DYM: variants seen among roughly 807,000 people sequenced by gnomAD.
The protein encoded by DYM is dyggve-Melchior-Clausen syndrome protein.
DYM carries 78 observed loss-of-function variants against 93.1 expected under a neutral mutation model. That is an observed-to-expected ratio of 0.84 (90% CI 0.70 to 1.01). The LOEUF (loss-of-function observed/expected upper bound fraction) is 1.01. Among genes scored for constraint, DYM ranks in the 50% least tolerant of loss-of-function variants. The pLI, the probability that DYM is intolerant of heterozygous loss-of-function variation, is 0.00. For synonymous variants in DYM, 321 were observed against 319.7 expected, an observed-to-expected ratio of 1.00 and a Z score of -0.04; for missense variants, 789 against 845.0, an observed-to-expected ratio of 0.93 and a Z score of 0.82.
At chr18:49,324,847 T>G (rs1050330763) in intron 8 of DYM, among the ~76,000 whole-genome samples, 2 of 152,222 alleles carry the variant, frequency 1.3e-5, no homozygotes, top group African/African-American at 2.4e-5. Flanking sequence ...ATTTTGTATA[T>G]AATATCTCAC....
chr18:49,335,910 C>T (rs113611998), intron 6 of DYM, among the ~76,000 whole-genome samples: 43 of 152,168 alleles, frequency 2.8e-4, no homozygotes, highest in African/African-American at 8.9e-4. Context: ...ACCTCCCAGG[C>T]TCAAGTGATC....
intron 6 of DYM, among the ~76,000 whole-genome samples, chr18:49,340,227 C>G (rs943388210): frequency 1.3e-5 from 2 of 152,094 alleles, no homozygotes; most frequent in Non-Finnish European, 2.9e-5. Context: ...GCTGGGATTA[C>G]AAGCGTGAGC....
At chr18:49,307,550 C>G (rs1043648155) in intron 8 of DYM, among the ~76,000 whole-genome samples, 1 of 152,076 alleles carries the variant, frequency 6.6e-6, no homozygotes, top group Admixed American at 6.5e-5. Flanking sequence ...TGCATGTGGT[C>G]AGCTAAAATG....
At chr18:49,080,477 T>C (rs1599594923) in intron 17 of DYM, among the ~76,000 whole-genome samples, 1 of 118,940 alleles carries the variant, frequency 8.4e-6, no homozygotes. Context: ...GAGGCGCCCC[T>C]CACCTCCCGG....
chr18:49,208,649 C>G (rs1429827857), intron 14 of DYM: 1 of 152,140 alleles, frequency 6.6e-6, no homozygotes, highest in Non-Finnish European at 1.5e-5. Context: ...TATGTTTCAT[C>G]ATCTGAAAAG....
intron 17 of DYM, among the ~76,000 whole-genome samples, chr18:49,051,155 C>G (rs925095905): frequency 3.3e-5 from 5 of 152,172 alleles, no homozygotes; most frequent in Admixed American, 2.6e-4. Flanking sequence ...CTGTGGCCAA[C>G]GTGGACACTA....
At chr18:49,372,123 A>T (rs1316320371) in intron 5 of DYM, among the ~76,000 whole-genome samples, 1 of 152,212 alleles carries the variant, frequency 6.6e-6, no homozygotes, top group African/African-American at 2.4e-5. Context: ...ACTGTATATT[A>T]TCGACCCCAC....
At chr18:49,049,314 T>G (rs1162301731) in intron 17 of DYM, among the ~76,000 whole-genome samples, 1 of 152,208 alleles carries the variant, frequency 6.6e-6, no homozygotes, top group Non-Finnish European at 1.5e-5. Context: ...CAGTCCCATC[T>G]TTTCCCATTC....
rs147724274 is a variant in DYM, at chr18:49,282,142, G to T, written c.980C>A (p.Ala327Asp). The T allele has an allele frequency of 4.3e-4, 702 of 1,613,972 alleles. 1 individual carries two copies. The highest frequency in any genetic ancestry group is 4.6e-4 in the Non-Finnish European group (540 of 1,179,930). Residue 327 changes from alanine (A) to aspartate (D), a missense_variant, in exon 10 of 18, where the codon GCC becomes GAC. Physicochemically the swap from Ala to Asp is moderately radical, Grantham distance 126. Coordinates refer to ENST00000675505, the MANE Select transcript of DYM (RefSeq NM_001353214.3). Reference sequence around the variant, plus strand: ...CAAACTATTAAAGTTGATCTGGAAGGCATGTGGAATTGATGAGGGGAAAGG... The same window carrying T: ...CAAACTATTAAAGTTGATCTGGAAGTCATGTGGAATTGATGAGGGGAAAGG... ...SSPFPSSIPH[A>D]FQINFNSLYT...
intron 8 of DYM, among the ~76,000 whole-genome samples, chr18:49,311,581 C>CATCGATGA (rs1178464965): frequency 6.6e-6 from 1 of 152,054 alleles, no homozygotes. Flanking sequence ...TTTGTAGGGA[C>CATCGATGA]ATCGATGAAG....
Position 49,349,398 on chromosome 18 carries a change from AGACT to A in DYM, c.494+13759_494+13762del, listed in dbSNP as rs551048361. On this transcript the variant is annotated intron_variant, in intron 6 of 17. Coordinates refer to ENST00000675505, the MANE Select transcript of DYM (RefSeq NM_001353214.3). ...TATTCTTAAAAACAAAAATTAAGATAGACTGACAGATTGAAAAGATGGACATATA... is the reference window on the plus strand; with the variant it reads ...TATTCTTAAAAACAAAAATTAAGATAGACAGATTGAAAAGATGGACATATA... Among the ~76,000 whole-genome samples, 11 of 152,338 alleles carry A rather than the reference AGACT, an allele frequency of 7.2e-5. No individual in the cohort carries two copies. In the South Asian group the frequency reaches 1.0e-3, roughly 14 times the overall value.
chr18:49,139,292 T>G (rs575787189), intron 15 of DYM, among the ~76,000 whole-genome samples: 1 of 152,270 alleles, frequency 6.6e-6, no homozygotes, highest in East Asian at 1.9e-4. Flanking sequence ...GGCAAATACT[T>G]TGAACCATTT....
In DYM at chr18:49,187,636, A is replaced by C. The variant is rs550581651; in HGVS notation, c.1625+21915T>G. Among the ~76,000 whole-genome samples, 239 of 152,346 alleles carry C rather than the reference A, an allele frequency of 1.6e-3. 1 individual carries two copies. The highest frequency in any genetic ancestry group is 5.3e-3 in the African/African-American group (220 of 41,570). ...TTTTTAATGGGATGATAATATATCT[A>C]AAAATAACAGAATGAGAATGAAACT... On this transcript the variant is annotated intron_variant, in intron 14 of 17. Coordinates refer to ENST00000675505, the MANE Select transcript of DYM (RefSeq NM_001353214.3).
At position 49,217,339 on chromosome 18, in the gene DYM, T is replaced by C. The variant is rs562309890; in HGVS notation, c.1461-7624A>G. ...AGTTGGAAAACACTCTGCAGGATATTATCCAGGAGAACTTCCCCAATCTAG... is the reference window on the plus strand; with the variant it reads ...AGTTGGAAAACACTCTGCAGGATATCATCCAGGAGAACTTCCCCAATCTAG... On this transcript the variant is annotated intron_variant, in intron 13 of 17. Coordinates refer to ENST00000675505, the MANE Select transcript of DYM (RefSeq NM_001353214.3). 1.6e-4 allele frequency among the ~76,000 whole-genome samples: 24 copies of C among 152,212 alleles called. No homozygotes were observed. In the South Asian group the frequency reaches 2.7e-3, roughly 17 times the overall value.
In DYM at chr18:49,333,803, A is replaced by C; in HGVS notation, c.545T>G (p.Phe182Cys). 1 of 1,613,614 alleles carries C rather than the reference A, an allele frequency of 6.2e-7. No homozygotes were observed. Among genetic ancestry groups the C allele is most frequent in the Non-Finnish European group, 8.5e-7 (1 of 1,179,554 alleles). Residue 182 changes from phenylalanine (F) to cysteine (C), a missense_variant, in exon 7 of 18, where the codon TTC (phenylalanine) becomes TGC (cysteine). Physicochemically the swap from Phe to Cys is radical, Grantham distance 205. Around this residue, in one of 3 missense-constraint regions of DYM, gnomAD observed 450 missense variants for 436.2 expected, o/e 1.03. Transcript: ENST00000675505. Reference sequence around the variant, plus strand: ...TTTGTGGAAGAGTTGGCAGGAAAGGAAAACAACCATTGTTGATATAGCTTC... The same window carrying C: ...TTTGTGGAAGAGTTGGCAGGAAAGGCAAACAACCATTGTTGATATAGCTTC... ...SVEAISTMVVFLSCQLFHKEV... is the reference protein window; with the variant it reads ...SVEAISTMVVCLSCQLFHKEV...
intron 8 of DYM, among the ~76,000 whole-genome samples, chr18:49,290,651 T>C (rs2060050150): frequency 6.6e-6 from 1 of 151,998 alleles, no homozygotes; most frequent in African/African-American, 2.4e-5. Context: ...ACTACATATA[T>C]ATAGATATAT....
At chr18:49,262,438 C>G (rs141676076) in intron 11 of DYM, among the ~76,000 whole-genome samples, 83 of 152,268 alleles carry the variant, frequency 5.5e-4, no homozygotes, top group African/African-American at 1.9e-3. Context: ...AAGTATCTTT[C>G]ATTTATATCA....
intron 8 of DYM, among the ~76,000 whole-genome samples, chr18:49,300,519 G>GA (rs2060860778): frequency 6.6e-6 from 1 of 151,776 alleles, no homozygotes; most frequent in Non-Finnish European, 1.5e-5. Flanking sequence ...AGAACTGCTT[G>GA]AACCTGGGAA....
intron 13 of DYM, among the ~76,000 whole-genome samples, chr18:49,245,559 G>A (rs1039084266): frequency 2.6e-5 from 4 of 152,166 alleles, no homozygotes; most frequent in Non-Finnish European, 5.9e-5. Flanking sequence ...AGGCTTACTA[G>A]CATTGGGAAA....
Sources: gnomAD v4.1 joint callset for allele counts (sites outside exome capture counted in the v4.1 genomes callset) on GRCh38, gnomAD v4.1.1 for gene constraint, gnomAD v4.1.1 regional missense constraint, MANE v1.5 for transcripts, NCBI Gene and HGNC (gene_info 2026-07-23, HGNC 2026-07-21) for gene names.